The following UBE2Z variants were observed in gnomAD, a reference collection of about 807,000 sequenced individuals.
UBE2Z encodes the protein ubiquitin conjugating enzyme E2 Z, also known as ubiquitin-conjugating enzyme E2 Z.
In UBE2Z, 10 loss-of-function variants were observed where a neutral mutation model predicts 32.6. The ratio of observed to expected loss-of-function variants is 0.31; its 90% CI spans 0.19 to 0.52. UBE2Z has a LOEUF of 0.52. Among genes scored for constraint, UBE2Z ranks in the 20% least tolerant of loss-of-function variants. UBE2Z has a pLI of 0.97. For missense variants in UBE2Z, 343 were observed against 480.9 expected (o/e 0.71, Z 2.68); for synonymous variants, 183 against 190.8 (o/e 0.96, Z 0.34).
At chr17:48,924,922 TCTC>T (rs1389844732) in intron 6 of UBE2Z, among the ~76,000 whole-genome samples, 1 of 151,190 alleles carries the variant, frequency 6.6e-6, no homozygotes, top group Non-Finnish European at 1.5e-5. Flanking sequence ...GAATGAGAAT[TCTC>T]CTGTCCTGGA....
chr17:48,922,246 G>T (rs1415958234), intron 5 of UBE2Z, among the ~76,000 whole-genome samples: 1 of 152,046 alleles, frequency 6.6e-6, no homozygotes, highest in Non-Finnish European at 1.5e-5. Flanking sequence ...AATTACCCGG[G>T]TGTGGTGGCA....
intron 4 of UBE2Z, 77 bp downstream of exon 4, chr17:48,916,264 T>TTTTTTTTG (rs2040719395): frequency 1.1e-5 from 8 of 701,922 alleles, no homozygotes; most frequent in South Asian, 6.0e-5. Flanking sequence ...TTTTGTTTTT[T>TTTTTTTTG]TTTTTTTTTG....
chr17:48,920,631 A>G (rs1211595389), intron 4 of UBE2Z, among the ~76,000 whole-genome samples: 1 of 151,652 alleles, frequency 6.6e-6, no homozygotes, highest in African/African-American at 2.4e-5. Flanking sequence ...CCAGGAAGTC[A>G]AGGCTGCAGT....
At chr17:48,916,055 T>C in intron 3 of UBE2Z, 21 bp from the exon 4 acceptor site, 1 of 1,550,512 alleles carries the variant, frequency 6.4e-7, no homozygotes, top group East Asian at 2.4e-5. Context: ...TCACCCTCCA[T>C]TCCTTCTGAT....
In UBE2Z at chr17:48,921,377, G is replaced by A. The variant is rs556266938; in HGVS notation, c.803+105G>A. On this transcript the variant is annotated intron_variant, in intron 5 of 6. Transcript: ENST00000360943. Reference sequence around the variant, plus strand: ...GGTACCAGAGGGAGATAGAGAAGAAGGAAAGATGTGGTTCCTGCTTTTAAA... The same window carrying A: ...GGTACCAGAGGGAGATAGAGAAGAAAGAAAGATGTGGTTCCTGCTTTTAAA... The A allele has an allele frequency of 6.2e-5, 52 of 836,776 alleles. No homozygotes were observed. In the South Asian group the frequency reaches 8.2e-4, roughly 13 times the overall value. The allele number at this position is 836,776 out of a possible 1,614,324, so 51.8% of individuals were successfully genotyped here.
intron 1 of UBE2Z, 29 bp downstream of exon 1, chr17:48,908,849 C>A: frequency 6.8e-7 from 1 of 1,462,792 alleles, no homozygotes; most frequent in Non-Finnish European, 9.0e-7. Context: ...TCCCCCAGCC[C>A]CGAGCTCCGG....
At chr17:48,920,110 C>T (rs1396989174) in intron 4 of UBE2Z, among the ~76,000 whole-genome samples, 2 of 152,116 alleles carry the variant, frequency 1.3e-5, no homozygotes, top group African/African-American at 4.8e-5. Context: ...ATCGCTTGAG[C>T]CCAGGAATTC....
At chr17:48,922,192 G>T (rs1275820696) in intron 5 of UBE2Z, among the ~76,000 whole-genome samples, 1 of 152,002 alleles carries the variant, frequency 6.6e-6, no homozygotes, top group East Asian at 1.9e-4. Context: ...TTCAAGACCA[G>T]CCTGACCAAC....
chr17:48,910,663 C>G, intron 1 of UBE2Z, 145 bp from the exon 2 acceptor site: 1 of 666,732 alleles, frequency 1.5e-6, no homozygotes, highest in Non-Finnish European at 2.7e-6. Flanking sequence ...TCTCAGCCAA[C>G]AAGACAGTAC....
intron 6 of UBE2Z, among the ~76,000 whole-genome samples, chr17:48,923,460 G>A (rs1001208641): frequency 1.1e-4 from 17 of 151,442 alleles, no homozygotes; most frequent in Non-Finnish European, 2.2e-4. Context: ...ATGAAACCCC[G>A]CCTCTACTAA....
chr17:48,915,963 T>C (rs1396344808), intron 3 of UBE2Z, 113 bp from the exon 4 acceptor site: 4 of 608,614 alleles, frequency 6.6e-6, no homozygotes, highest in Non-Finnish European at 1.1e-5. Flanking sequence ...AGAGTATTAA[T>C]AGTGAAAGAG....
chr17:48,927,035 G>C lies in UBE2Z; in HGVS notation c.966G>C (p.Gln322His), dbSNP rs1483450929. The change falls in exon 7 of 7, where the codon CAG becomes CAC. Residue 322 changes from glutamine (Q) to histidine (H), a missense_variant. Around this residue, in one of 4 missense-constraint regions of UBE2Z, gnomAD observed 182 missense variants for 312.4 expected, o/e 0.58. Coordinates refer to ENST00000360943, the MANE Select transcript of UBE2Z (RefSeq NM_023079.5). ...TGATGCGCCTGGGACTGATACGTCA[G>C]AAAGTGCTGGAGAGGCTCCATAATG... is the stretch of plus-strand genomic sequence containing the variant. ...SLLMRLGLIRQKVLERLHNEN... is the reference protein window; with the variant it reads ...SLLMRLGLIRHKVLERLHNEN... 3.1e-6 allele frequency: 5 copies of C among 1,613,832 alleles called. No homozygotes were observed. The highest frequency in any genetic ancestry group is 4.2e-6 in the Non-Finnish European group (5 of 1,179,840).
chr17:48,926,932 A>T, intron 6 of UBE2Z, 32 bp from the exon 7 acceptor site: 1 of 1,596,002 alleles, frequency 6.3e-7, no homozygotes, highest in Non-Finnish European at 8.5e-7. Flanking sequence ...CCAGACTTGA[A>T]TCTTCCATCC....
Position 48,926,952 on chromosome 17 carries a change from C to T in UBE2Z, c.895-12C>T. ...CTTGAATCTTCCATCCCCTTGTCTCCTTTCCCCACAGGACCCTTTTGGAGA... is the reference window on the plus strand; with the variant it reads ...CTTGAATCTTCCATCCCCTTGTCTCTTTTCCCCACAGGACCCTTTTGGAGA... On this transcript the variant is annotated splice_polypyrimidine_tract_variant and intron_variant, in intron 6 of 6. Transcript: ENST00000360943. 6.2e-7 allele frequency: 1 copy of T among 1,609,774 alleles called. No homozygotes were observed. Among genetic ancestry groups the T allele is most frequent in the Non-Finnish European group, 8.5e-7 (1 of 1,177,910 alleles).
At chr17:48,922,667 T>C (rs1009686124) in intron 5 of UBE2Z, among the ~76,000 whole-genome samples, 180 bp from the exon 6 acceptor site, 4 of 151,434 alleles carry the variant, frequency 2.6e-5, no homozygotes, top group Non-Finnish European at 4.4e-5. Context: ...CTCAGGAGGC[T>C]GAGGCAGGAG....
intron 5 of UBE2Z, 44 bp downstream of exon 5, chr17:48,921,316 G>T: frequency 6.7e-7 from 1 of 1,500,424 alleles, no homozygotes; most frequent in South Asian, 1.2e-5. Flanking sequence ...TCGGGCATTT[G>T]GGTAGTTGGC....
intron 5 of UBE2Z, among the ~76,000 whole-genome samples, chr17:48,921,593 A>AT (rs1432334790): frequency 6.6e-6 from 1 of 152,188 alleles, no homozygotes; most frequent in Admixed American, 6.5e-5. Context: ...TGCTGAAGTT[A>AT]TTTTTAAGTG....
rs1292082805 is a variant in UBE2Z at position 48,927,988 on chromosome 17, C to G, written c.*854C>G. The G allele has an allele frequency of 6.6e-6, 1 of 152,264 alleles. No homozygotes were observed. The highest frequency in any genetic ancestry group is 1.5e-5 in the Non-Finnish European group (1 of 68,068). The allele number at this position is 152,264 out of a possible 1,614,324, so 9.4% of individuals were successfully genotyped here. A position where few individuals can be genotyped will look rare whatever the true frequency, so the allele number is the denominator to read the frequency against. On this transcript the variant is annotated 3_prime_UTR_variant, in exon 7 of 7. Coordinates refer to ENST00000360943, the MANE Select transcript of UBE2Z (RefSeq NM_023079.5). ...GATTAGAGCCACTACATAGAATAGT[C>G]TCTTACAGATTTTCATAAATACTAG... is the stretch of plus-strand genomic sequence containing the variant.
At chr17:48,923,040 G>A in intron 6 of UBE2Z, 103 bp downstream of exon 6, 1 of 1,115,346 alleles carries the variant, frequency 9.0e-7, no homozygotes. Context: ...ACACAGCTAA[G>A]CCTGGGTTCA....
Sources: gnomAD v4.1 joint callset for allele counts (sites outside exome capture counted in the v4.1 genomes callset) on GRCh38, gnomAD v4.1.1 for gene constraint, gnomAD v4.1.1 regional missense constraint, MANE v1.5 for transcripts, NCBI Gene and HGNC (gene_info 2026-07-23, HGNC 2026-07-21) for gene names.